The following CSMD3 variants were observed in gnomAD, a reference collection of about 807,000 sequenced individuals.
The protein encoded by CSMD3 is CUB and Sushi multiple domains 3, also known as CUB and sushi domain-containing protein 3.
A neutral mutation model predicts 435.2 loss-of-function variants in CSMD3; 177 were observed. That is an observed-to-expected ratio of 0.41 (90% CI 0.36 to 0.46). CSMD3 has a LOEUF of 0.46. CSMD3 is among the 20% of genes least tolerant of loss of function. The pLI is 0.34. For missense variants in CSMD3, 4,265 were observed against 4,504.6 expected (o/e 0.95, Z 1.52); for synonymous variants, 1,656 against 1,520.5 (o/e 1.09, Z -2.07).
intron 13 of CSMD3, among the ~76,000 whole-genome samples, chr8:112,755,831 A>G (rs1354356739): frequency 6.7e-6 from 1 of 149,108 alleles, no homozygotes; most frequent in Non-Finnish European, 1.5e-5. Flanking sequence ...ATAAATTAAT[A>G]TATACTTTGT....
intron 1 of CSMD3, among the ~76,000 whole-genome samples, chr8:113,414,966 A>G (rs1278436845): frequency 3.3e-5 from 5 of 152,166 alleles, no homozygotes; most frequent in African/African-American, 1.2e-4. Context: ...TATGTAAAAA[A>G]ACAAAAAACG....
chr8:113,111,546 T>G, intron 4 of CSMD3, among the ~76,000 whole-genome samples: 1 of 152,182 alleles, frequency 6.6e-6, no homozygotes, highest in East Asian at 1.9e-4. Flanking sequence ...CCAGTTTTGC[T>G]TGTATTTATT....
intron 32 of CSMD3, among the ~76,000 whole-genome samples, chr8:112,446,076 A>C (rs1004289607): frequency 5.9e-5 from 9 of 152,206 alleles, no homozygotes; most frequent in African/African-American, 1.9e-4. Context: ...TCTTGAGTCA[A>C]CTGAGACTCA....
Position 112,550,679 on chromosome 8 carries a change from T to G in CSMD3, c.4556A>C (p.Gln1519Pro). The change falls in exon 27 of 71, where the codon CAG becomes CCG. Residue 1519 changes from glutamine (Q) to proline (P), a missense_variant. Gln to Pro is a moderately conservative substitution (Grantham distance 76). Transcript: ENST00000297405. The part of the protein sequence containing the change: ...FYISKSGFAI[Q>P]FSSSVATACR... ...TTTTTGAAAAAACTTACTTGAAAAC[T>G]GAATTGCAAATCCAGATTTGCTAAT... 1 of 1,589,910 alleles carries G rather than the reference T, an allele frequency of 6.3e-7. No homozygotes were observed. Among genetic ancestry groups the G allele is most frequent in the Non-Finnish European group, 8.6e-7 (1 of 1,158,606 alleles).
At chr8:112,273,058 T>C (rs920720362) in intron 59 of CSMD3, among the ~76,000 whole-genome samples, 1 of 152,198 alleles carries the variant, frequency 6.6e-6, no homozygotes, top group Non-Finnish European at 1.5e-5. Context: ...AAACTTTCCT[T>C]ATACTTTTCC....
At chr8:113,222,737 A>C (rs1050981747) in intron 3 of CSMD3, among the ~76,000 whole-genome samples, 3 of 151,062 alleles carry the variant, frequency 2.0e-5, no homozygotes, top group Non-Finnish European at 3.0e-5. Context: ...AAAACAACTC[A>C]TATTGACCTT....
intron 6 of CSMD3, among the ~76,000 whole-genome samples, chr8:113,000,073 GGCAGAA>G (rs1377031269): frequency 6.6e-6 from 1 of 151,964 alleles, no homozygotes; most frequent in Non-Finnish European, 1.5e-5. Flanking sequence ...CAGAACTTTA[GGCAGAA>G]GCCTGAATAG....
chr8:113,267,825 A>G (rs924716493), intron 3 of CSMD3, among the ~76,000 whole-genome samples: 8 of 151,790 alleles, frequency 5.3e-5, no homozygotes, highest in Non-Finnish European at 1.0e-4. Flanking sequence ...TAAAAAATAA[A>G]GAAAATGCAA....
At chr8:112,281,013 C>T (rs1818572728) in intron 59 of CSMD3, among the ~76,000 whole-genome samples, 161 bp downstream of exon 59, 1 of 152,148 alleles carries the variant, frequency 6.6e-6, no homozygotes. Context: ...CATTAGTATA[C>T]ACTCAGCCAT....
intron 23 of CSMD3, among the ~76,000 whole-genome samples, chr8:112,577,246 T>C (rs565671723): frequency 6.6e-6 from 1 of 152,174 alleles, no homozygotes; most frequent in Admixed American, 6.6e-5. Context: ...TAGTCAAATA[T>C]ATGAAAACAT....
intron 45 of CSMD3, among the ~76,000 whole-genome samples, chr8:112,330,149 A>G (rs1342581845): frequency 6.6e-6 from 1 of 152,130 alleles, no homozygotes; most frequent in Non-Finnish European, 1.5e-5. Context: ...ATCTGCAGCA[A>G]TCTCTTTTAG....
intron 2 of CSMD3, among the ~76,000 whole-genome samples, chr8:113,302,866 T>C (rs1170600446): frequency 1.4e-5 from 2 of 144,434 alleles, no homozygotes; most frequent in Non-Finnish European, 1.5e-5. Flanking sequence ...AGGGATGCCC[T>C]CTCTCACCGC....
At chr8:113,357,165 C>T (rs1030003402) in intron 1 of CSMD3, among the ~76,000 whole-genome samples, 3 of 152,142 alleles carry the variant, frequency 2.0e-5, no homozygotes, top group Non-Finnish European at 4.4e-5. Context: ...TAAATAATGT[C>T]ACTTCTTTAG....
chr8:112,949,220 T>C (rs1289272744), intron 8 of CSMD3, among the ~76,000 whole-genome samples: 2 of 152,084 alleles, frequency 1.3e-5, no homozygotes, highest in African/African-American at 2.4e-5. Context: ...ATAGTTGTGG[T>C]AAAGTTGTCG....
chr8:113,000,830 A>C (rs1476934496), intron 6 of CSMD3, among the ~76,000 whole-genome samples: 1 of 152,040 alleles, frequency 6.6e-6, no homozygotes, highest in Non-Finnish European at 1.5e-5. Context: ...TCAGACATAG[A>C]TAATCAGAGA....
rs1829360614 is a variant in CSMD3, at chr8:112,380,391, T to C, written c.6097A>G (p.Ile2033Val). Reference sequence around the variant, plus strand: ...TGAAATCCTGCAGCAGAAACACTGATGTCTGATTGAAAATTTAGATACAGA... The same window carrying C: ...TGAAATCCTGCAGCAGAAACACTGACGTCTGATTGAAAATTTAGATACAGA... ...NNLYLNFQSD[I>V]SVSAAGFHLE... Residue 2033 changes from isoleucine to valine, a missense_variant, in exon 38 of 71, where the codon ATC becomes GTC. Transcript: ENST00000297405. The C allele has an allele frequency of 1.9e-6, 3 of 1,601,604 alleles. No individual in the cohort carries two copies. The highest frequency in any genetic ancestry group is 1.1e-5 in the South Asian group (1 of 90,786).
rs2075991895 is a variant in CSMD3 at position 112,685,545 on chromosome 8, G to T, written c.2343C>A (p.Asp781Glu). ...TTCCAAGAATTGGGGATTCTGGAGAGTCACCATCTTTAACAGCAAGGAAAT... is the reference window on the plus strand; with the variant it reads ...TTCCAAGAATTGGGGATTCTGGAGATTCACCATCTTTAACAGCAAGGAAAT... Reference protein sequence around the residue: ...QFDFLAVKDGDSPESPILGTF... With the variant: ...QFDFLAVKDGESPESPILGTF... The change falls in exon 15 of 71, where the codon GAC (aspartate) becomes GAA (glutamate). Residue 781 changes from aspartate to glutamate, a missense_variant. Physicochemically the swap from Asp to Glu is conservative, Grantham distance 45 (BLOSUM62 2). Coordinates refer to ENST00000297405, the MANE Select transcript of CSMD3 (RefSeq NM_198123.2). 6.2e-7 allele frequency: 1 copy of T among 1,613,858 alleles called. No individual in the cohort carries two copies. Among genetic ancestry groups the T allele is most frequent in the Admixed American group, 1.7e-5 (1 of 59,982 alleles).
chr8:113,425,603 A>T (rs2094631770), intron 1 of CSMD3, among the ~76,000 whole-genome samples: 1 of 151,448 alleles, frequency 6.6e-6, no homozygotes, highest in South Asian at 2.1e-4. Context: ...CCCTCAAGCT[A>T]ACACAGATAT....
At chr8:113,083,604 A>G (rs1379759872) in intron 5 of CSMD3, among the ~76,000 whole-genome samples, 1 of 152,180 alleles carries the variant, frequency 6.6e-6, no homozygotes, top group Non-Finnish European at 1.5e-5. Flanking sequence ...TATACAAATG[A>G]GAAAAAATAT....
Sources: gnomAD v4.1 joint callset for allele counts (sites outside exome capture counted in the v4.1 genomes callset) on GRCh38, gnomAD v4.1.1 for gene constraint, MANE v1.5 for transcripts, NCBI Gene and HGNC (gene_info 2026-07-23, HGNC 2026-07-21) for gene names.